ASAH2: variants seen among roughly 807,000 people sequenced by gnomAD.
ASAH2 encodes neutral ceramidase.
ASAH2 carries 58 observed loss-of-function variants against 82.9 expected under a neutral mutation model. That is an observed-to-expected ratio of 0.70 (90% CI 0.57 to 0.87). The LOEUF (loss-of-function observed/expected upper bound fraction) is 0.87, where lower values mean the gene tolerates loss of function less well. Ranked by LOEUF, ASAH2 falls within the 40% of genes least tolerant of loss-of-function variation. The probability of loss-of-function intolerance (pLI) is 0.00; values close to 1 mark genes in which losing one functional copy is unlikely to be tolerated. For missense variants in ASAH2, 779 were observed against 834.0 expected, an observed-to-expected ratio of 0.93 and a Z score of 0.81; for synonymous variants, 276 against 289.7, an observed-to-expected ratio of 0.95 and a Z score of 0.48.
chr10:50,222,119 A>G (rs950955787), intron 7 of ASAH2, among the ~76,000 whole-genome samples: 8 of 152,256 alleles, frequency 5.3e-5, no homozygotes, highest in African/African-American at 1.9e-4. Flanking sequence ...ATTCAATCAG[A>G]GTGAATTTAT....
chr10:50,197,335 T>C (rs1452015841), intron 17 of ASAH2, among the ~76,000 whole-genome samples: 1 of 151,492 alleles, frequency 6.6e-6, no homozygotes, highest in Non-Finnish European at 1.5e-5. Flanking sequence ...TACCAAGTTT[T>C]TTCCTAGATT....
chr10:50,213,180 G>A, intron 9 of ASAH2, 122 bp from the exon 10 acceptor site: 1 of 914,180 alleles, frequency 1.1e-6, no homozygotes, highest in Non-Finnish European at 1.8e-6. Flanking sequence ...TTTCTTTTCA[G>A]GTAGTCTCTC....
At chr10:50,246,396 C>G (rs1018274975) in intron 2 of ASAH2, among the ~76,000 whole-genome samples, 10 of 152,120 alleles carry the variant, frequency 6.6e-5, no homozygotes, top group Middle Eastern at 3.2e-3. Context: ...TTTTCTTTAC[C>G]TATTTAGACA....
chr10:50,248,642 A>G lies in ASAH2; in HGVS notation c.-32T>C, dbSNP rs1163799861. 1 of 1,602,146 alleles carries G rather than the reference A, an allele frequency of 6.2e-7. No homozygotes were observed. On this transcript the variant is annotated 5_prime_UTR_variant, in exon 2 of 21. Transcript: ENST00000682911. ...TCAGGTACAGCAGAGATGGAAGAAGAAATACTGAAGAGGAAGAAATCACAA... is the reference window on the plus strand; with the variant it reads ...TCAGGTACAGCAGAGATGGAAGAAGGAATACTGAAGAGGAAGAAATCACAA...
intron 7 of ASAH2, among the ~76,000 whole-genome samples, chr10:50,231,804 T>C (rs2133223282): frequency 1.3e-5 from 2 of 152,314 alleles, no homozygotes; most frequent in African/African-American, 4.8e-5. Flanking sequence ...ATTTCAAGCA[T>C]TCTAATATGC....
intron 12 of ASAH2, among the ~76,000 whole-genome samples, chr10:50,210,613 A>G (rs563502879): frequency 1.1e-3 from 175 of 152,338 alleles, no homozygotes; most frequent in African/African-American, 4.0e-3. Context: ...TTAAGTGTCC[A>G]GAATAGGAAA....
intron 8 of ASAH2, among the ~76,000 whole-genome samples, chr10:50,215,576 T>C (rs1253122250): frequency 1.3e-5 from 2 of 152,232 alleles, no homozygotes; most frequent in Non-Finnish European, 2.9e-5. Context: ...CTATTGCTTG[T>C]TTTTCTCAGG....
intron 7 of ASAH2, among the ~76,000 whole-genome samples, chr10:50,222,260 C>G (rs1254345756): frequency 6.6e-6 from 1 of 152,190 alleles, no homozygotes; most frequent in Non-Finnish European, 1.5e-5. Context: ...GAATTTCACT[C>G]TACTAGTTAG....
At position 50,205,081 on chromosome 10, in the gene ASAH2, G is replaced by A. The variant is rs1845260099; in HGVS notation, c.1531-126C>T. 1.3e-5 allele frequency: 8 copies of A among 616,878 alleles called. No individual in the cohort carries two copies. The South Asian group carries it at 1.7e-4, about 13-fold the overall frequency. The allele number at this position is 616,878 out of a possible 1,614,324, so 38.2% of individuals were successfully genotyped here. Reference sequence around the variant, plus strand: ...ATGTAGTATTAAATATTCTATATGGGCATTTATGTCCTAGTCATAACATGA... The same window carrying A: ...ATGTAGTATTAAATATTCTATATGGACATTTATGTCCTAGTCATAACATGA... On this transcript the variant is annotated intron_variant, in intron 13 of 20. Transcript: ENST00000682911.
chr10:50,221,901 C>G (rs1191848686), intron 7 of ASAH2, among the ~76,000 whole-genome samples: 3 of 152,082 alleles, frequency 2.0e-5, no homozygotes, highest in African/African-American at 7.2e-5. Flanking sequence ...AGACATGCTT[C>G]ACAAAAGAAG....
rs1845286990 is a variant in ASAH2, at chr10:50,206,082, T to A, written c.1430A>T (p.Asp477Val). The A allele has an allele frequency of 1.9e-6, 3 of 1,611,566 alleles. No individual in the cohort carries two copies. Among genetic ancestry groups the A allele is most frequent in the Non-Finnish European group, 2.5e-6 (3 of 1,178,044 alleles). ...GTCCCGAATGGTGTCCCAAAATGGA[T>A]CCCCTTCTGTTTTCCCTATTAGAAA... ...LNFTQGKTEG[D>V]PFWDTIRDQI... Residue 477 changes from aspartate to valine, a missense_variant, in exon 13 of 21, where the codon GAT (aspartate) becomes GTT (valine). By Grantham distance (152) the Asp-to-Val change is radical. This residue lies in a region of ASAH2 where 759 missense variants were observed against 755.2 expected (regional missense o/e 1.00). Coordinates refer to ENST00000682911, the MANE Select transcript of ASAH2 (RefSeq NM_019893.4).
chr10:50,212,825 C>T (rs2133208093), intron 10 of ASAH2, 147 bp downstream of exon 10: 2 of 798,178 alleles, frequency 2.5e-6, no homozygotes, highest in East Asian at 5.1e-5. Flanking sequence ...GCAAAGGCCA[C>T]CTCCCAAGCT....
intron 6 of ASAH2, 66 bp downstream of exon 6, chr10:50,234,359 T>C: frequency 6.2e-7 from 1 of 1,606,280 alleles, no homozygotes; most frequent in East Asian, 2.2e-5. Flanking sequence ...AACAGCCCTG[T>C]ACTTAGATTT....
chr10:50,212,967 C>T lies in ASAH2; in HGVS notation c.1227+5G>A, dbSNP rs1226515966. The T allele has an allele frequency of 1.2e-6, 2 of 1,612,830 alleles. No individual in the cohort carries two copies. Among genetic ancestry groups the T allele is most frequent in the African/African-American group, 1.3e-5 (1 of 74,876 alleles). On this transcript the variant is annotated splice_donor_5th_base_variant and intron_variant, in intron 10 of 20. Coordinates refer to ENST00000682911, the MANE Select transcript of ASAH2 (RefSeq NM_019893.4). ...AAGATTAAAGGAGCGAGGCCCATGG[C>T]TTACCTTTGCTCTCTGATACATGGC...
chr10:50,221,627 T>TTGTGTGTGTG (rs1364076496), intron 7 of ASAH2, among the ~76,000 whole-genome samples: 1 of 144,686 alleles, frequency 6.9e-6, no homozygotes, highest in Non-Finnish European at 1.5e-5. Flanking sequence ...TGAATTCAGG[T>TTGTGTGTGTG]TGTATGTGTG....
chr10:50,245,526 T>C (rs1197425418), intron 2 of ASAH2, 72 bp from the exon 3 acceptor site: 19 of 1,333,476 alleles, frequency 1.4e-5, no homozygotes, highest in Non-Finnish European at 2.0e-5. Flanking sequence ...TAGAACACAA[T>C]ATATAGGCTC....
At chr10:50,249,040 A>C (rs1446776092) in intron 1 of ASAH2, among the ~76,000 whole-genome samples, 1 of 152,192 alleles carries the variant, frequency 6.6e-6, no homozygotes, top group African/African-American at 2.4e-5. Context: ...AGGATGACTG[A>C]TGCACGCATA....
At chr10:50,193,862 T>G (rs1378860139) in intron 18 of ASAH2, among the ~76,000 whole-genome samples, 2 of 151,744 alleles carry the variant, frequency 1.3e-5, no homozygotes, top group Non-Finnish European at 2.9e-5. Context: ...ACAACAACTT[T>G]TATATTACAC....
chr10:50,237,064 C>G (rs1404087022), intron 4 of ASAH2, among the ~76,000 whole-genome samples: 6 of 152,094 alleles, frequency 3.9e-5, no homozygotes, highest in African/African-American at 7.2e-5. Context: ...TAATGAGGGG[C>G]TCTCTTTTAG....
Sources: gnomAD v4.1 joint callset for allele counts (sites outside exome capture counted in the v4.1 genomes callset) on GRCh38, gnomAD v4.1.1 for gene constraint, gnomAD v4.1.1 regional missense constraint, MANE v1.5 for transcripts, NCBI Gene and HGNC (gene_info 2026-07-23, HGNC 2026-07-21) for gene names.